Variants in CSMD3 observed in about 807,000 individuals in gnomAD.
CSMD3 encodes the protein CUB and Sushi multiple domains 3, also known as CUB and sushi domain-containing protein 3.
In CSMD3, 177 loss-of-function variants were observed where a neutral mutation model predicts 435.2. The observed-to-expected ratio is 0.41, with a 90% CI of 0.36 to 0.46. CSMD3 has a LOEUF of 0.46. Among genes scored for constraint, CSMD3 ranks in the 20% least tolerant of loss-of-function variants. The probability of loss-of-function intolerance (pLI) is 0.34; values close to 1 mark genes in which losing one functional copy is unlikely to be tolerated. For synonymous variants in CSMD3, 1,656 were observed against 1,520.5 expected, an observed-to-expected ratio of 1.09 and a Z score of -2.07; for missense variants, 4,265 against 4,504.6, an observed-to-expected ratio of 0.95 and a Z score of 1.52.
chr8:112,687,273 G>A (rs895765837), intron 14 of CSMD3, among the ~76,000 whole-genome samples: 2 of 151,580 alleles, frequency 1.3e-5, no homozygotes, highest in Non-Finnish European at 1.5e-5. Flanking sequence ...GTCTTAACTC[G>A]CATTTCTTTG....
intron 5 of CSMD3, among the ~76,000 whole-genome samples, chr8:113,073,903 C>G (rs574397989): frequency 6.6e-6 from 1 of 151,818 alleles, no homozygotes; most frequent in South Asian, 2.1e-4. Context: ...ATGTCCTCTT[C>G]GAAGACTGTC....
At chr8:113,192,385 C>T (rs534227051) in intron 3 of CSMD3, among the ~76,000 whole-genome samples, 44 of 151,550 alleles carry the variant, frequency 2.9e-4, no homozygotes, top group African/African-American at 9.9e-4. Flanking sequence ...GGTCTAGCAC[C>T]CTTTCAATTT....
At chr8:112,954,889 A>T (rs2083957009) in intron 7 of CSMD3, 128 bp from the exon 8 acceptor site, 1 of 640,138 alleles carries the variant, frequency 1.6e-6, no homozygotes, top group Non-Finnish European at 2.8e-6. Flanking sequence ...CTGATATAGT[A>T]CCCAGAAGAA....
At chr8:112,400,121 C>CA (rs973868078) in intron 35 of CSMD3, among the ~76,000 whole-genome samples, 1 of 151,928 alleles carries the variant, frequency 6.6e-6, no homozygotes, top group African/African-American at 2.4e-5. Context: ...GCTACTATAA[C>CA]AAAAAAACAT....
intron 1 of CSMD3, among the ~76,000 whole-genome samples, chr8:113,369,373 T>G (rs2133042295): frequency 6.6e-6 from 1 of 152,120 alleles, no homozygotes; most frequent in Non-Finnish European, 1.5e-5. Flanking sequence ...CTCACTCCTG[T>G]TAGAATGGCT....
chr8:112,738,210 A>G (rs1265666349), intron 13 of CSMD3, among the ~76,000 whole-genome samples: 2 of 151,720 alleles, frequency 1.3e-5, no homozygotes, highest in East Asian at 1.9e-4. Context: ...AATCAAAGAA[A>G]TTTTTAAATG....
chr8:113,383,456 A>G (rs2094426015), intron 1 of CSMD3, among the ~76,000 whole-genome samples: 1 of 152,288 alleles, frequency 6.6e-6, no homozygotes, highest in Admixed American at 6.5e-5. Context: ...AGAGATGCAC[A>G]TTTGAAAAAG....
chr8:113,360,291 T>C (rs993271711), intron 1 of CSMD3, among the ~76,000 whole-genome samples: 10 of 151,660 alleles, frequency 6.6e-5, no homozygotes, highest in African/African-American at 2.2e-4. Context: ...TCTAGAGCTA[T>C]AGGACTTTGA....
At chr8:112,692,198 T>C (rs2076152625) in intron 13 of CSMD3, among the ~76,000 whole-genome samples, 1 of 152,092 alleles carries the variant, frequency 6.6e-6, no homozygotes, top group Admixed American at 6.6e-5. Flanking sequence ...CTATTCTTTT[T>C]TCTGTTTTCT....
At chr8:112,912,692 AC>A (rs2082458391) in intron 10 of CSMD3, among the ~76,000 whole-genome samples, 1 of 152,044 alleles carries the variant, frequency 6.6e-6, no homozygotes, top group South Asian at 2.1e-4. Flanking sequence ...AGCATAGGCA[AC>A]AAAAGCAAAA....
At chr8:112,642,876 T>C (rs888940224) in intron 20 of CSMD3, among the ~76,000 whole-genome samples, 2 of 152,206 alleles carry the variant, frequency 1.3e-5, no homozygotes, top group Non-Finnish European at 2.9e-5. Context: ...ACACAAATAC[T>C]GTCTTCTTCA....
chr8:112,524,580 A>G (rs1824660002), intron 27 of CSMD3, among the ~76,000 whole-genome samples: 1 of 152,042 alleles, frequency 6.6e-6, no homozygotes, highest in African/African-American at 2.4e-5. Context: ...AGTAGATGTG[A>G]ACATAGTTTT....
At position 112,833,173 on chromosome 8, in the gene CSMD3, T is replaced by C. The variant is rs77395024; in HGVS notation, c.1756-3384A>G. Among the ~76,000 whole-genome samples the C allele has an allele frequency of 3.1e-3, 470 of 152,240 alleles. 4 individuals are homozygous for C. Among genetic ancestry groups the C allele is most frequent in the African/African-American group, 9.7e-3 (404 of 41,574 alleles). On this transcript the variant is annotated intron_variant, in intron 11 of 70. Coordinates refer to ENST00000297405, the MANE Select transcript of CSMD3 (RefSeq NM_198123.2). ...GACCATTTGTCTTTCACATATCAACTTGTAAAATTCTTCAAAAATTTATTT... is the reference window on the plus strand; with the variant it reads ...GACCATTTGTCTTTCACATATCAACCTGTAAAATTCTTCAAAAATTTATTT...
intron 22 of CSMD3, among the ~76,000 whole-genome samples, chr8:112,600,990 T>C (rs1055615491): frequency 2.0e-5 from 3 of 152,068 alleles, no homozygotes; most frequent in Non-Finnish European, 2.9e-5. Context: ...TATATACTTC[T>C]CTAGACCCTG....
chr8:113,183,535 G>A (rs1000508688), intron 3 of CSMD3, among the ~76,000 whole-genome samples: 1 of 151,882 alleles, frequency 6.6e-6, no homozygotes, highest in Non-Finnish European at 1.5e-5. Flanking sequence ...TTGGCCCCAA[G>A]GCTGCCTTCC....
chr8:112,462,229 TA>T (rs1817518963), intron 32 of CSMD3, among the ~76,000 whole-genome samples: 1 of 152,212 alleles, frequency 6.6e-6, no homozygotes, highest in Admixed American at 6.5e-5. Context: ...TCGGCAGCTT[TA>T]TGCCACCTGG....
intron 13 of CSMD3, among the ~76,000 whole-genome samples, chr8:112,743,147 T>A (rs1372377657): frequency 1.3e-5 from 2 of 152,002 alleles, no homozygotes; most frequent in Non-Finnish European, 2.9e-5. Context: ...TATTTGTACA[T>A]GTAGTTGAAA....
In CSMD3 at chr8:112,640,608, C is replaced by T. The variant is rs569360127; in HGVS notation, c.3311-1697G>A. 1.1e-4 allele frequency among the ~76,000 whole-genome samples: 17 copies of T among 150,820 alleles called. No homozygotes were observed. In the South Asian group the frequency reaches 2.5e-3, roughly 22 times the overall value. Reference sequence around the variant, plus strand: ...CAAGTTTTGGTGTTTTTTTTTTCTCCTCTCTATAATTGGCAGCAATACAAG... The same window carrying T: ...CAAGTTTTGGTGTTTTTTTTTTCTCTTCTCTATAATTGGCAGCAATACAAG... On this transcript the variant is annotated intron_variant, in intron 20 of 70. Coordinates refer to ENST00000297405, the MANE Select transcript of CSMD3 (RefSeq NM_198123.2).
chr8:112,706,865 G>A (rs1488353884), intron 13 of CSMD3, among the ~76,000 whole-genome samples: 1 of 152,006 alleles, frequency 6.6e-6, no homozygotes, highest in Non-Finnish European at 1.5e-5. Flanking sequence ...TAATAATAGA[G>A]CAGTAAAATG....
Sources: allele counts gnomAD v4.1 joint callset (sites outside exome capture counted in the v4.1 genomes callset), GRCh38; gene constraint gnomAD v4.1.1; transcripts MANE v1.5; gene names NCBI Gene and HGNC (gene_info 2026-07-23, HGNC 2026-07-21).